MAPK10: variants seen among roughly 807,000 people sequenced by gnomAD.
MAPK10 encodes mitogen-activated protein kinase 10, also known as JNK3 alpha protein kinase.
A neutral mutation model predicts 59.3 loss-of-function variants in MAPK10; 25 were observed. That is an observed-to-expected ratio of 0.42 (90% CI 0.31 to 0.59). MAPK10 has a LOEUF of 0.59. MAPK10 is among the 20% of genes least tolerant of loss of function. MAPK10 has a pLI of 0.15. For missense variants in MAPK10, 351 were observed against 568.9 expected (o/e 0.62, Z 3.90); for synonymous variants, 190 against 200.5 (o/e 0.95, Z 0.44).
At chr4:86,491,681 T>C (rs940959014) in intron 1 of MAPK10, among the ~76,000 whole-genome samples, 1 of 152,252 alleles carries the variant, frequency 6.6e-6, no homozygotes. Context: ...ATAATCCATT[T>C]TTATTTCCCA....
chr4:86,442,165 C>T lies in MAPK10; in HGVS notation c.-122+10865G>A, dbSNP rs142228285. Among the ~76,000 whole-genome samples, 225 of 152,082 alleles carry T rather than the reference C, an allele frequency of 1.5e-3. 2 individuals carry two copies. The highest frequency in any genetic ancestry group is 5.0e-3 in the African/African-American group (209 of 41,504). On this transcript the variant is annotated intron_variant, in intron 1 of 13. Transcript: ENST00000361569. ...AAAATGACAGCTAGAGTAAAGAATG[C>T]GAATAGATTTATGTGGTCTACTTTG...
intron 1 of MAPK10, among the ~76,000 whole-genome samples, chr4:86,530,040 A>T (rs1201273478): frequency 1.4e-5 from 2 of 145,734 alleles, no homozygotes; most frequent in Non-Finnish European, 3.0e-5. Flanking sequence ...ATATTAATCT[A>T]CTCAAGGGGC....
intron 1 of MAPK10, among the ~76,000 whole-genome samples, chr4:86,522,284 A>T (rs1757166594): frequency 1.3e-5 from 2 of 152,172 alleles, no homozygotes; most frequent in African/African-American, 4.8e-5. Flanking sequence ...ATGGGTTTGT[A>T]CTTCCCAGAA....
chr4:86,150,587 C>T (rs939485215), intron 4 of MAPK10, among the ~76,000 whole-genome samples: 2 of 152,120 alleles, frequency 1.3e-5, no homozygotes, highest in African/African-American at 2.4e-5. Context: ...CTTGGCCAGG[C>T]GCGGTGGCTC....
At chr4:86,460,905 A>C (rs2149061078) in intron 1 of MAPK10, among the ~76,000 whole-genome samples, 1 of 152,304 alleles carries the variant, frequency 6.6e-6, no homozygotes, top group Non-Finnish European at 1.5e-5. Flanking sequence ...ATCTCTGTTC[A>C]GGGCTCTCAG....
At chr4:86,262,782 T>C (rs1018745236) in intron 2 of MAPK10, among the ~76,000 whole-genome samples, 3 of 152,188 alleles carry the variant, frequency 2.0e-5, no homozygotes, top group East Asian at 1.9e-4. Context: ...CTATGCTTGA[T>C]TCCGAAGCAA....
intron 11 of MAPK10, chr4:86,031,726 A>G (rs2039062900): frequency 3.6e-6 from 1 of 274,904 alleles, no homozygotes; most frequent in Admixed American, 5.0e-5. Context: ...TAAGCAATTA[A>G]TGACTGGTCT....
intron 1 of MAPK10, among the ~76,000 whole-genome samples, chr4:86,437,851 C>T (rs1312900485): frequency 2.0e-5 from 3 of 152,050 alleles, no homozygotes; most frequent in Admixed American, 1.3e-4. Context: ...AATTGCCCCT[C>T]AAAAGTAAAA....
At chr4:86,091,339 T>C (rs998835694) in intron 9 of MAPK10, 2 of 151,684 alleles carry the variant, frequency 1.3e-5, no homozygotes, top group Non-Finnish European at 2.9e-5. Flanking sequence ...ATCTATTTTA[T>C]TGTTGAAACC....
At chr4:86,401,988 G>T (rs1211933111) in intron 1 of MAPK10, among the ~76,000 whole-genome samples, 1 of 152,026 alleles carries the variant, frequency 6.6e-6, no homozygotes, top group Non-Finnish European at 1.5e-5. Context: ...CATGACTAGA[G>T]CCTCACTGAA....
At chr4:86,182,101 C>T (rs576445684) in intron 3 of MAPK10, among the ~76,000 whole-genome samples, 5 of 152,016 alleles carry the variant, frequency 3.3e-5, no homozygotes, top group African/African-American at 1.2e-4. Flanking sequence ...AATACCAGTG[C>T]AAACTAAAGA....
chr4:86,493,149 C>T (rs1171538757), intron 1 of MAPK10, among the ~76,000 whole-genome samples: 4 of 152,208 alleles, frequency 2.6e-5, no homozygotes, highest in East Asian at 3.9e-4. Flanking sequence ...ACCTCACTTC[C>T]GATTCCTGTA....
At chr4:86,270,844 C>T (rs1044830207) in intron 2 of MAPK10, among the ~76,000 whole-genome samples, 5 of 151,938 alleles carry the variant, frequency 3.3e-5, no homozygotes, top group Non-Finnish European at 7.4e-5. Flanking sequence ...TGTTGCAGAT[C>T]GCATTAATAG....
At chr4:86,126,369 C>A (rs1188789765) in intron 4 of MAPK10, among the ~76,000 whole-genome samples, 1 of 152,036 alleles carries the variant, frequency 6.6e-6, no homozygotes, top group Non-Finnish European at 1.5e-5. Context: ...TACTTGTCAT[C>A]TATTATGTTT....
chr4:86,144,079 T>C (rs1262371746), intron 4 of MAPK10, among the ~76,000 whole-genome samples: 1 of 152,138 alleles, frequency 6.6e-6, no homozygotes, highest in Non-Finnish European at 1.5e-5. Flanking sequence ...AAATTACTGG[T>C]ATCTTTTTTG....
intron 1 of MAPK10, among the ~76,000 whole-genome samples, chr4:86,579,086 T>C (rs763160968): frequency 7.2e-5 from 11 of 152,188 alleles, no homozygotes; most frequent in Admixed American, 3.9e-4. Flanking sequence ...ACCCAATATT[T>C]TCTGCCAGTG....
At chr4:86,156,793 T>C (rs1269764616) in intron 4 of MAPK10, among the ~76,000 whole-genome samples, 6 of 152,002 alleles carry the variant, frequency 3.9e-5, no homozygotes, top group Admixed American at 2.0e-4. Flanking sequence ...CTTCTGATGA[T>C]TGGAAAAATG....
At chr4:86,083,211 A>G (rs572310300) in intron 9 of MAPK10, among the ~76,000 whole-genome samples, 3 of 152,194 alleles carry the variant, frequency 2.0e-5, no homozygotes, top group African/African-American at 7.2e-5. Context: ...TTTAACAACT[A>G]CCTACACCAA....
chr4:86,402,967 T>C (rs973487653), intron 1 of MAPK10, among the ~76,000 whole-genome samples: 2 of 152,088 alleles, frequency 1.3e-5, no homozygotes, highest in African/African-American at 4.8e-5. Flanking sequence ...AATTTTGCAA[T>C]CACATTGTCA....
Sources: gnomAD v4.1 joint callset for allele counts (sites outside exome capture counted in the v4.1 genomes callset) on GRCh38, gnomAD v4.1.1 for gene constraint, MANE v1.5 for transcripts, NCBI Gene and HGNC (gene_info 2026-07-23, HGNC 2026-07-21) for gene names.